The following SEMA5A variants were observed in gnomAD, a reference collection of about 807,000 sequenced individuals.
SEMA5A encodes semaphorin 5A, also known as semaphorin-5A.
Under a neutral mutation model 135.5 loss-of-function variants are expected in SEMA5A, and 55 were observed. The ratio of observed to expected loss-of-function variants is 0.41; its 90% confidence interval spans 0.33 to 0.51. The LOEUF (loss-of-function observed/expected upper bound fraction) is 0.51, where lower values mean the gene tolerates loss of function less well. Ranked by LOEUF, SEMA5A falls within the 20% of genes least tolerant of loss-of-function variation. The pLI, the probability that SEMA5A is intolerant of heterozygous loss-of-function variation, is 0.37. For missense variants in SEMA5A, 1,290 were observed against 1,419.9 expected, an observed-to-expected ratio of 0.91 and a Z score of 1.47; for synonymous variants, 580 against 546.5, an observed-to-expected ratio of 1.06 and a Z score of -0.85.
intron 6 of SEMA5A, among the ~76,000 whole-genome samples, chr5:9,228,518 G>T (rs762501813): frequency 6.6e-6 from 1 of 152,216 alleles, no homozygotes; most frequent in Admixed American, 6.5e-5. Context: ...AATGTGAAAG[G>T]AGCCATTACA....
At chr5:9,358,945 G>T (rs1754571455) in intron 3 of SEMA5A, among the ~76,000 whole-genome samples, 1 of 131,996 alleles carries the variant, frequency 7.6e-6, no homozygotes, top group African/African-American at 3.3e-5. Flanking sequence ...GCAAAGCACT[G>T]GTTCAGACCC....
In SEMA5A at chr5:9,444,764, G is replaced by T. The variant is rs542893748; in HGVS notation, c.-174-6912C>A. Among the ~76,000 whole-genome samples, 6 of 152,276 alleles carry T rather than the reference G, an allele frequency of 3.9e-5. No homozygotes were observed. In the South Asian group the frequency reaches 1.2e-3, roughly 32 times the overall value. ...TGACATTGTGATGTCTAAATGCTGAGAGCGGAGTTAGAAAGAGATGGGATA... is the reference window on the plus strand; with the variant it reads ...TGACATTGTGATGTCTAAATGCTGATAGCGGAGTTAGAAAGAGATGGGATA... On this transcript the variant is annotated intron_variant, in intron 1 of 22. Transcript: ENST00000382496.
intron 11 of SEMA5A, among the ~76,000 whole-genome samples, chr5:9,184,239 A>AT (rs1235354612): frequency 8.5e-5 from 11 of 129,044 alleles, no homozygotes; most frequent in African/African-American, 2.2e-4. Context: ...AGACCATGTG[A>AT]TTTTTTTTCA....
At chr5:9,343,563 T>C (rs1753740736) in intron 3 of SEMA5A, among the ~76,000 whole-genome samples, 1 of 152,132 alleles carries the variant, frequency 6.6e-6, no homozygotes, top group Non-Finnish European at 1.5e-5. Context: ...ACCTCAAAGG[T>C]AGGGACCTAT....
intron 2 of SEMA5A, among the ~76,000 whole-genome samples, chr5:9,398,522 C>A (rs960277274): frequency 2.6e-5 from 4 of 152,164 alleles, no homozygotes; most frequent in Non-Finnish European, 5.9e-5. Context: ...GCCAGGTCTG[C>A]AAACACATTG....
intron 1 of SEMA5A, among the ~76,000 whole-genome samples, chr5:9,447,108 A>G (rs1227478836): frequency 6.6e-6 from 1 of 152,254 alleles, no homozygotes; most frequent in Non-Finnish European, 1.5e-5. Flanking sequence ...TTTCCTAAAA[A>G]CAGAACAGGC....
chr5:9,243,788 T>G (rs373762252), intron 5 of SEMA5A, among the ~76,000 whole-genome samples: 6 of 152,278 alleles, frequency 3.9e-5, no homozygotes, highest in Admixed American at 2.0e-4. Context: ...ATTGGCACTT[T>G]ATAACTTGGA....
chr5:9,288,523 G>A (rs1750913156), intron 5 of SEMA5A, among the ~76,000 whole-genome samples: 1 of 152,208 alleles, frequency 6.6e-6, no homozygotes, highest in Non-Finnish European at 1.5e-5. Context: ...TACAGAGGCA[G>A]AAACAGACGC....
At chr5:9,118,689 G>A (rs979112374) in intron 15 of SEMA5A, among the ~76,000 whole-genome samples, 3 of 152,128 alleles carry the variant, frequency 2.0e-5, no homozygotes, top group African/African-American at 7.2e-5. Flanking sequence ...TAAGTCTCCT[G>A]CAGACGTACT....
chr5:9,543,854 T>C (rs1258414430), intron 1 of SEMA5A, among the ~76,000 whole-genome samples: 3 of 145,980 alleles, frequency 2.1e-5, no homozygotes, highest in African/African-American at 5.1e-5. Context: ...AAAAAAAACA[T>C]AGAAAAAGAA....
intron 2 of SEMA5A, among the ~76,000 whole-genome samples, chr5:9,427,645 T>G (rs910190649): frequency 1.3e-5 from 2 of 152,160 alleles, no homozygotes; most frequent in Admixed American, 6.5e-5. Context: ...TAAGGCACAG[T>G]TATAGCTTCA....
chr5:9,170,505 G>A (rs990036756), intron 11 of SEMA5A, among the ~76,000 whole-genome samples: 25 of 152,078 alleles, frequency 1.6e-4, no homozygotes, highest in Non-Finnish European at 1.5e-5. Context: ...TTTAGAGGTT[G>A]AAATCCTAAG....
chr5:9,216,017 C>T (rs986600640), intron 8 of SEMA5A, among the ~76,000 whole-genome samples: 4 of 152,028 alleles, frequency 2.6e-5, no homozygotes, highest in South Asian at 4.1e-4. Flanking sequence ...TTGATTAGGT[C>T]CTGTTTCTTC....
chr5:9,258,441 C>T (rs1749201500), intron 5 of SEMA5A, among the ~76,000 whole-genome samples: 1 of 152,198 alleles, frequency 6.6e-6, no homozygotes, highest in Non-Finnish European at 1.5e-5. Context: ...AGGCCTATCT[C>T]ATTCTGTCTT....
chr5:9,105,178 G>A (rs940370878), intron 16 of SEMA5A, among the ~76,000 whole-genome samples: 1 of 152,172 alleles, frequency 6.6e-6, no homozygotes, highest in South Asian at 2.1e-4. Flanking sequence ...TTTTGACATT[G>A]AGCAATTTAC....
chr5:9,075,565 A>AG (rs1378519167), intron 16 of SEMA5A, among the ~76,000 whole-genome samples: 7 of 151,888 alleles, frequency 4.6e-5, no homozygotes, highest in Non-Finnish European at 1.0e-4. Context: ...GCAAAAAAAA[A>AG]AAGGTGTGAC....
chr5:9,077,364 G>C (rs1156696129), intron 16 of SEMA5A, among the ~76,000 whole-genome samples: 1 of 152,180 alleles, frequency 6.6e-6, no homozygotes, highest in Admixed American at 6.5e-5. Context: ...ACTCTGGGGA[G>C]AGGTTAATGA....
chr5:9,287,271 T>C (rs1437551827), intron 5 of SEMA5A, among the ~76,000 whole-genome samples: 1 of 152,212 alleles, frequency 6.6e-6, no homozygotes, highest in Non-Finnish European at 1.5e-5. Context: ...TAGGGTTAAT[T>C]GAATATCTGT....
At chr5:9,505,788 G>C (rs1191134166) in intron 1 of SEMA5A, among the ~76,000 whole-genome samples, 4 of 152,192 alleles carry the variant, frequency 2.6e-5, no homozygotes. Flanking sequence ...TATCGTGCAG[G>C]GTTATGGATA....
Sources: allele counts gnomAD v4.1 joint callset (sites outside exome capture counted in the v4.1 genomes callset), GRCh38; gene constraint gnomAD v4.1.1; transcripts MANE v1.5; gene names NCBI Gene and HGNC (gene_info 2026-07-23, HGNC 2026-07-21).